U2SURP: variants seen among roughly 807,000 people sequenced by gnomAD.
The protein encoded by U2SURP is U2 snRNP associated SURP domain containing.
A neutral mutation model predicts 144.9 loss-of-function variants in U2SURP; 9 were observed. The observed-to-expected ratio is 0.06, with a 90% CI of 0.04 to 0.11. The LOEUF is 0.11. Ranked by LOEUF, U2SURP falls within the 10% of genes least tolerant of loss-of-function variation. The pLI, the probability that U2SURP is intolerant of heterozygous loss-of-function variation, is 1.00. For synonymous variants in U2SURP, 408 were observed against 396.8 expected, an observed-to-expected ratio of 1.03 and a Z score of -0.33; for missense variants, 724 against 1,226.7, an observed-to-expected ratio of 0.59 and a Z score of 6.12.
intron 1 of U2SURP, among the ~76,000 whole-genome samples, chr3:143,005,129 C>G (rs1935768107): frequency 6.7e-6 from 1 of 149,076 alleles, no homozygotes; most frequent in South Asian, 2.1e-4. Context: ...CTATTTCACT[C>G]TGTGACTATG....
At chr3:143,019,941 G>T in intron 6 of U2SURP, 28 bp from the exon 7 acceptor site, 2 of 1,336,530 alleles carry the variant, frequency 1.5e-6, no homozygotes, top group Non-Finnish European at 1.0e-6. Context: ...CCTTTTGTTT[G>T]AAGTATAACT....
chr3:143,006,177 A>G (rs948774698), intron 1 of U2SURP, among the ~76,000 whole-genome samples: 2 of 152,220 alleles, frequency 1.3e-5, no homozygotes, highest in Admixed American at 1.3e-4. Context: ...GTTTTGAATA[A>G]TTTAAAAAAT....
At chr3:143,009,316 G>A (rs1315703921) in intron 1 of U2SURP, among the ~76,000 whole-genome samples, 2 of 152,088 alleles carry the variant, frequency 1.3e-5, no homozygotes, top group African/African-American at 2.4e-5. Flanking sequence ...AGTGAGATGG[G>A]GCCGGGTGCG....
At chr3:143,028,436 T>G in intron 15 of U2SURP, 30 bp downstream of exon 15, 1 of 1,610,412 alleles carries the variant, frequency 6.2e-7, no homozygotes, top group Non-Finnish European at 8.5e-7. Context: ...TTGTTAATTT[T>G]GACTCTGAGT....
At chr3:143,002,135 T>C (rs1465013271) in intron 1 of U2SURP, 1 of 225,790 alleles carries the variant, frequency 4.4e-6, no homozygotes, top group Admixed American at 5.9e-5. Context: ...ATGAATAACC[T>C]CTAGGGTCGC....
chr3:143,035,843 T>G (rs1280724849), intron 19 of U2SURP, 139 bp from the exon 20 acceptor site: 2 of 819,544 alleles, frequency 2.4e-6, no homozygotes, highest in Non-Finnish European at 3.6e-6. Flanking sequence ...GGTAATGATA[T>G]ATAGTTATTT....
At chr3:143,044,681 A>T (rs1350387772) in intron 24 of U2SURP, among the ~76,000 whole-genome samples, 1 of 152,178 alleles carries the variant, frequency 6.6e-6, no homozygotes, top group Non-Finnish European at 1.5e-5. Context: ...TACTGTATAC[A>T]TTCATTGAAC....
Position 143,056,488 on chromosome 3 carries a change from G to T in U2SURP, c.*38G>T. On this transcript the variant is annotated 3_prime_UTR_variant, in exon 28 of 28. Coordinates refer to ENST00000473835, the MANE Select transcript of U2SURP (RefSeq NM_001080415.2). ...AGATGCTGTCACTTATTGGAAATGC[G>T]ATTTGTTTTGTGCCTGAACGGTCTG... 6.2e-7 allele frequency: 1 copy of T among 1,605,008 alleles called. No individual in the cohort carries two copies.
chr3:143,048,757 G>T (rs184563176), intron 24 of U2SURP, among the ~76,000 whole-genome samples: 1 of 151,874 alleles, frequency 6.6e-6, no homozygotes, highest in East Asian at 2.0e-4. Flanking sequence ...AATTAGTCAG[G>T]CATGGAGGCT....
In U2SURP at chr3:143,003,741, G is replaced by T. The variant is rs376066828; in HGVS notation, c.45+2068G>T. Among the ~76,000 whole-genome samples the T allele has an allele frequency of 2.9e-5, 4 of 136,712 alleles. No homozygotes were observed. The East Asian group carries it at 6.5e-4, about 22-fold the overall frequency. The allele number at this position is 136,712 out of a possible 152,430, so 89.7% of individuals were successfully genotyped here. A position where few individuals can be genotyped will look rare whatever the true frequency, so the allele number is the denominator to read the frequency against. ...CTCTGTCGCCCAGGCTGGAGTGCTG[G>T]AGTGCAGTGGCACAATCTCGGCTCA... On this transcript the variant is annotated intron_variant, in intron 1 of 27. Coordinates refer to ENST00000473835, the MANE Select transcript of U2SURP (RefSeq NM_001080415.2).
In U2SURP at chr3:143,021,514, C is replaced by A. The variant is rs1936633766; in HGVS notation, c.811C>A (p.Pro271Thr). 6.2e-7 allele frequency: 1 copy of A among 1,613,574 alleles called. No homozygotes were observed. The highest frequency in any genetic ancestry group is 1.3e-5 in the African/African-American group (1 of 74,872). The change falls in exon 10 of 28, where the codon CCA becomes ACA. Residue 271 changes from proline to threonine, a missense_variant. By Grantham distance (38) the Pro-to-Thr change is conservative. This residue lies in a region of U2SURP where 115 missense variants were observed against 258.1 expected (regional missense o/e 0.45). Coordinates refer to ENST00000473835, the MANE Select transcript of U2SURP (RefSeq NM_001080415.2). ...YAPGSHDVGD[P>T]STTNLYLGNI... is the part of the protein sequence containing the mutation. ...ACCTGGCTCACATGATGTAGGAGATCCAAGCACTACTAATTTATACCTTGG... is the reference window on the plus strand; with the variant it reads ...ACCTGGCTCACATGATGTAGGAGATACAAGCACTACTAATTTATACCTTGG...
At chr3:143,037,382 G>T (rs754120053) in intron 21 of U2SURP, 47 bp downstream of exon 21, 2 of 1,558,436 alleles carry the variant, frequency 1.3e-6, no homozygotes, top group Admixed American at 1.8e-5. Flanking sequence ...TACATTTGGT[G>T]ACCAAAACTC....
At chr3:143,041,969 T>TACACAC (rs10550292) in intron 23 of U2SURP, among the ~76,000 whole-genome samples, 5 of 149,426 alleles carry the variant, frequency 3.3e-5, no homozygotes, top group African/African-American at 4.9e-5. Context: ...GCCAATAGTA[T>TACACAC]ACACACACAC....
chr3:143,026,743 GAGAT>G (rs1445403894), intron 13 of U2SURP: 2 of 152,218 alleles, frequency 1.3e-5, no homozygotes, highest in African/African-American at 4.8e-5. Flanking sequence ...TTTTTAAACT[GAGAT>G]AGTGTGTAAA....
chr3:143,017,689 C>T lies in U2SURP; in HGVS notation c.570+714C>T, dbSNP rs575999333. 5.9e-5 allele frequency among the ~76,000 whole-genome samples: 9 copies of T among 152,010 alleles called. No individual in the cohort carries two copies. In the South Asian group the frequency reaches 1.5e-3, roughly 25 times the overall value. ...AGGCTAGAGTGTAGTAGTGTGATTA[C>T]GGCTCCTGCAGCCTCAACCTCGTAG... On this transcript the variant is annotated intron_variant, in intron 6 of 27. Coordinates refer to ENST00000473835, the MANE Select transcript of U2SURP (RefSeq NM_001080415.2).
intron 1 of U2SURP, among the ~76,000 whole-genome samples, chr3:143,009,992 C>A (rs1965343): frequency 0.68 from 102,706 of 152,102 alleles, 34,879 homozygotes; most frequent in African/African-American, 0.75. Context: ...CTACCGTATA[C>A]CCTCAAAAAT....
intron 14 of U2SURP, 146 bp from the exon 15 acceptor site, chr3:143,028,194 T>C: frequency 1.1e-6 from 1 of 889,084 alleles, no homozygotes; most frequent in African/African-American, 1.7e-5. Context: ...TAGCGGGTGG[T>C]AGTGGGTGAG....
At chr3:143,006,328 A>G (rs1935830865) in intron 1 of U2SURP, among the ~76,000 whole-genome samples, 1 of 152,230 alleles carries the variant, frequency 6.6e-6, no homozygotes, top group Non-Finnish European at 1.5e-5. Context: ...TGGACAGCAT[A>G]GTATGTTGAT....
intron 1 of U2SURP, among the ~76,000 whole-genome samples, chr3:143,004,867 G>A (rs960334501): frequency 4.6e-5 from 7 of 152,064 alleles, no homozygotes; most frequent in Non-Finnish European, 7.4e-5. Flanking sequence ...ATATTGCTTG[G>A]TTGGGGAGGG....
Sources: allele counts gnomAD v4.1 joint callset (sites outside exome capture counted in the v4.1 genomes callset), GRCh38; gene constraint gnomAD v4.1.1; regional missense constraint gnomAD v4.1.1; transcripts MANE v1.5; gene names NCBI Gene and HGNC (gene_info 2026-07-23, HGNC 2026-07-21).